PRIM2: variants seen among roughly 807,000 people sequenced by gnomAD.
PRIM2 encodes DNA primase subunit 2.
Under a neutral mutation model 67.3 loss-of-function variants are expected in PRIM2, and 39 were observed. That is an observed-to-expected ratio of 0.58 (90% CI 0.45 to 0.76). The LOEUF (loss-of-function observed/expected upper bound fraction) is 0.76. Ranked by LOEUF, PRIM2 falls within the 30% of genes least tolerant of loss-of-function variation. PRIM2 has a pLI of 0.00. For synonymous variants in PRIM2, 143 were observed against 198.7 expected (o/e 0.72, Z 2.36); for missense variants, 398 against 598.7 (o/e 0.66, Z 3.50).
intron 12 of PRIM2, among the ~76,000 whole-genome samples, chr6:57,628,684 T>C (rs1250643906): frequency 1.3e-5 from 2 of 152,190 alleles, no homozygotes; most frequent in African/African-American, 2.4e-5. Flanking sequence ...GTTGCCTTTT[T>C]TGTGACCATG....
At chr6:57,615,883 C>T (rs1286308610) in intron 12 of PRIM2, among the ~76,000 whole-genome samples, 1 of 152,074 alleles carries the variant, frequency 6.6e-6, no homozygotes, top group Non-Finnish European at 1.5e-5. Flanking sequence ...CAGCAAGACT[C>T]CATCTCTCCA....
chr6:57,455,579 G>C (rs1021626764), intron 7 of PRIM2, among the ~76,000 whole-genome samples: 1 of 152,154 alleles, frequency 6.6e-6, no homozygotes, highest in East Asian at 1.9e-4. Flanking sequence ...TTGGTTTAAA[G>C]TCTGTTTTAT....
intron 7 of PRIM2, among the ~76,000 whole-genome samples, chr6:57,490,571 T>G (rs1773866092): frequency 6.6e-6 from 1 of 152,098 alleles, no homozygotes; most frequent in South Asian, 2.1e-4. Flanking sequence ...TATTCAGCAA[T>G]AAAGGACAAT....
intron 5 of PRIM2, among the ~76,000 whole-genome samples, chr6:57,347,170 C>T (rs1768705238): frequency 6.6e-6 from 1 of 152,152 alleles, no homozygotes; most frequent in Non-Finnish European, 1.5e-5. Flanking sequence ...AGCTTAATAG[C>T]CAAATATATT....
chr6:57,417,259 G>C (rs1771296402), intron 7 of PRIM2, among the ~76,000 whole-genome samples: 2 of 152,114 alleles, frequency 1.3e-5, no homozygotes, highest in African/African-American at 2.4e-5. Context: ...GAGCCAGCAT[G>C]CCTGGCCTTC....
intron 10 of PRIM2, among the ~76,000 whole-genome samples, chr6:57,591,142 T>C (rs1304074670): frequency 1.3e-5 from 2 of 152,244 alleles, no homozygotes; most frequent in Non-Finnish European, 2.9e-5. Context: ...TTTGGATCTA[T>C]AGGTGACTGA....
chr6:57,271,334 ACTT>A, the PRIM2 span, among the ~76,000 whole-genome samples: 3 of 152,174 alleles, frequency 2.0e-5, no homozygotes, highest in African/African-American at 7.2e-5. Context: ...CAGAGATTCA[ACTT>A]CTTCCTGGTT....
chr6:57,640,956 G>A (rs1271625347), intron 13 of PRIM2, among the ~76,000 whole-genome samples: 2 of 150,038 alleles, frequency 1.3e-5, no homozygotes, highest in Middle Eastern at 3.5e-3. Context: ...AAAAAACAAC[G>A]CTAGAGGCAT....
At chr6:57,519,567 CTCTT>C (rs1474877544) in intron 8 of PRIM2, among the ~76,000 whole-genome samples, 1 of 152,230 alleles carries the variant, frequency 6.6e-6, no homozygotes, top group African/African-American at 2.4e-5. Flanking sequence ...AAGGTTCTCT[CTCTT>C]ATTCACTGAA....
chr6:57,267,455 G>A, the PRIM2 span, among the ~76,000 whole-genome samples: 1 of 152,042 alleles, frequency 6.6e-6, no homozygotes, highest in African/African-American at 2.4e-5. Flanking sequence ...CTCTTTGAGA[G>A]GCTGCATAAA....
At chr6:57,226,309 G>A in the PRIM2 span, among the ~76,000 whole-genome samples, 1 of 152,216 alleles carries the variant, frequency 6.6e-6, no homozygotes, top group Non-Finnish European at 1.5e-5. Flanking sequence ...AGAACCAAGG[G>A]AAGGCCTTTC....
chr6:57,306,183 T>C, the PRIM2 span, among the ~76,000 whole-genome samples: 53 of 152,318 alleles, frequency 3.5e-4, no homozygotes, highest in African/African-American at 1.2e-3. Flanking sequence ...ATGGATAAAC[T>C]TGAAGCAAAG....
At chr6:57,495,717 A>G (rs1185619043) in intron 7 of PRIM2, among the ~76,000 whole-genome samples, 2 of 151,444 alleles carry the variant, frequency 1.3e-5, no homozygotes, top group African/African-American at 2.4e-5. Context: ...CACCTCCTAC[A>G]CTCCACTCCC....
intron 10 of PRIM2, among the ~76,000 whole-genome samples, chr6:57,580,727 A>G (rs1776067203): frequency 6.6e-6 from 1 of 152,184 alleles, no homozygotes; most frequent in Non-Finnish European, 1.5e-5. Context: ...TTAGGGGAGA[A>G]GGGTCGAGGG....
intron 10 of PRIM2, among the ~76,000 whole-genome samples, chr6:57,539,646 GTGTGTGTGTGTATATA>G (rs1312172917): frequency 0.023 from 1,708 of 75,664 alleles, 8 homozygotes; most frequent in Non-Finnish European, 0.031. Flanking sequence ...GTGTGTGTGT[GTGTGTGTGTGTATATA>G]TATATATATA....
At chr6:57,507,828 A>T (rs1774280903) in intron 8 of PRIM2, among the ~76,000 whole-genome samples, 1 of 146,692 alleles carries the variant, frequency 6.8e-6, no homozygotes, top group African/African-American at 2.5e-5. Context: ...ATACAAAAAT[A>T]ATATAGTCTC....
At chr6:57,548,563 C>A (rs1283971266) in intron 10 of PRIM2, among the ~76,000 whole-genome samples, 3 of 152,078 alleles carry the variant, frequency 2.0e-5, no homozygotes, top group Non-Finnish European at 2.9e-5. Flanking sequence ...TAATATGAAC[C>A]TCTGTTTCCT....
chr6:57,246,562 A>T, the PRIM2 span, among the ~76,000 whole-genome samples: 1 of 152,052 alleles, frequency 6.6e-6, no homozygotes, highest in Non-Finnish European at 1.5e-5. Flanking sequence ...GCGCACAGTT[A>T]CCCCCAATGC....
the PRIM2 span, among the ~76,000 whole-genome samples, chr6:57,257,354 C>A: frequency 6.6e-6 from 1 of 151,832 alleles, no homozygotes; most frequent in East Asian, 1.9e-4. Flanking sequence ...TCACCGCAAC[C>A]TCCACCTGCT....
Sources: allele counts gnomAD v4.1 joint callset (sites outside exome capture counted in the v4.1 genomes callset), GRCh38; gene constraint gnomAD v4.1.1; transcripts MANE v1.5; gene names NCBI Gene and HGNC (gene_info 2026-07-23, HGNC 2026-07-21).